TMEM39A: variants seen among roughly 807,000 people sequenced by gnomAD.
The protein encoded by TMEM39A is transmembrane protein 39A, also known as suppressor of SQST-1 aggregates in rpl-43 mutants.
Under a neutral mutation model 51.9 loss-of-function variants are expected in TMEM39A, and 19 were observed. The observed-to-expected ratio is 0.37, with a 90% CI of 0.26 to 0.54. The LOEUF (loss-of-function observed/expected upper bound fraction) is 0.54. Ranked by LOEUF, TMEM39A falls within the 20% of genes least tolerant of loss-of-function variation. The probability of loss-of-function intolerance (pLI) is 0.88; values close to 1 mark genes in which losing one functional copy is unlikely to be tolerated. For synonymous variants in TMEM39A, 197 were observed against 220.2 expected (o/e 0.89, Z 0.93); for missense variants, 433 against 590.5 (o/e 0.73, Z 2.76).
At chr3:119,461,819 A>AT in intron 2 of TMEM39A, 143 bp downstream of exon 2, 1 of 632,684 alleles carries the variant, frequency 1.6e-6, no homozygotes. Context: ...GGAATTCTGA[A>AT]TTTTGTCTTG....
At chr3:119,435,739 C>A (rs2080960580) in intron 7 of TMEM39A, 4 of 1,015,770 alleles carry the variant, frequency 3.9e-6, no homozygotes, top group South Asian at 7.4e-5. Context: ...GTTCCACCGG[C>A]CTTGCTCACA....
chr3:119,450,506 A>G (rs771488286), intron 4 of TMEM39A, among the ~76,000 whole-genome samples: 8 of 152,194 alleles, frequency 5.3e-5, no homozygotes, highest in Non-Finnish European at 1.2e-4. Flanking sequence ...AATTTAGCTT[A>G]AGTATTCTGT....
Position 119,458,176 on chromosome 3 carries a change from G to T in TMEM39A, c.178C>A (p.Arg60Ser). Residue 60 changes from arginine to serine, a missense_variant, in exon 3 of 9, where the codon CGT becomes AGT. Physicochemically the swap from Arg to Ser is moderately radical, Grantham distance 110 (BLOSUM62 -1). This residue lies in a region of TMEM39A where 170 missense variants were observed against 239.8 expected (regional missense o/e 0.71). Coordinates refer to ENST00000319172, the MANE Select transcript of TMEM39A (RefSeq NM_018266.3). ...ITALITPGPV[R>S]HCQIPDLPVD... Reference sequence around the variant, plus strand: ...GGCAAGTCAGGAATTTGGCAATGACGAACAGGACCTGGGGTGATTAAGGCT... The same window carrying T: ...GGCAAGTCAGGAATTTGGCAATGACTAACAGGACCTGGGGTGATTAAGGCT... 1 of 1,614,164 alleles carries T rather than the reference G, an allele frequency of 6.2e-7. No individual in the cohort carries two copies. Among genetic ancestry groups the T allele is most frequent in the Non-Finnish European group, 8.5e-7 (1 of 1,180,030 alleles).
intron 3 of TMEM39A, 29 bp from the exon 4 acceptor site, chr3:119,452,559 A>G (rs1381161686): frequency 1.9e-6 from 3 of 1,574,086 alleles, no homozygotes; most frequent in Admixed American, 3.4e-5. Flanking sequence ...ACTACATCAG[A>G]AAGAAATATG....
intron 5 of TMEM39A, among the ~76,000 whole-genome samples, chr3:119,442,381 T>C (rs1018353308): frequency 4.6e-5 from 7 of 151,682 alleles, no homozygotes; most frequent in Admixed American, 6.6e-5. Context: ...TCATTGACAG[T>C]GTACCTAGTC....
chr3:119,463,366 G>A lies in TMEM39A; in HGVS notation c.-105C>T, dbSNP rs948314473. ...GAAGAGTCCCAGCCGGTGGGGCGGG[G>A]TCCCTAGAAAGCGGCGACAACTTTA... is the stretch of plus-strand genomic sequence containing the variant. On this transcript the variant is annotated 5_prime_UTR_variant, in exon 1 of 9. Coordinates refer to ENST00000319172, the MANE Select transcript of TMEM39A (RefSeq NM_018266.3). 5 of 384,870 alleles carry A rather than the reference G, an allele frequency of 1.3e-5. No homozygotes were observed. Among genetic ancestry groups the A allele is most frequent in the Non-Finnish European group, 2.3e-5 (5 of 218,104 alleles). The allele number at this position is 384,870 out of a possible 1,614,324, so 23.8% of individuals were successfully genotyped here.
In TMEM39A at chr3:119,436,997, G is replaced by A. The variant is rs1221108781; in HGVS notation, c.925-19C>T. The A allele has an allele frequency of 1.9e-6, 3 of 1,600,496 alleles. No homozygotes were observed. The highest frequency in any genetic ancestry group is 2.7e-5 in the African/African-American group (2 of 74,666). ...GGGTACTCTGGAAGAGATCAGAAGA[G>A]AGAGAAATGATCCATGCACTGGTAA... On this transcript the variant is annotated intron_variant, in intron 6 of 8. Transcript: ENST00000319172.
At chr3:119,455,824 A>G (rs181154589) in intron 3 of TMEM39A, among the ~76,000 whole-genome samples, 97 of 152,338 alleles carry the variant, frequency 6.4e-4, no homozygotes, top group African/African-American at 2.2e-3. Context: ...GGAAATGTCA[A>G]CCCAAGTAGA....
intron 4 of TMEM39A, chr3:119,451,372 G>GT: frequency 1.0e-6 from 1 of 988,610 alleles, no homozygotes; most frequent in Non-Finnish European, 1.4e-6. Flanking sequence ...TGTGATTATA[G>GT]TAACTATTCA....
intron 5 of TMEM39A, 197 bp downstream of exon 5, chr3:119,446,821 G>A: frequency 1.6e-6 from 1 of 609,712 alleles, no homozygotes; most frequent in Non-Finnish European, 2.8e-6. Flanking sequence ...GGACAGTCCT[G>A]GTTTATGCCT....
chr3:119,437,080 C>T (rs930035131), intron 6 of TMEM39A, 102 bp from the exon 7 acceptor site: 38 of 1,025,896 alleles, frequency 3.7e-5, no homozygotes, highest in Admixed American at 9.1e-5. Flanking sequence ...CACACTGAGT[C>T]ACACATGCAC....
In TMEM39A at chr3:119,447,116, G is replaced by C. The variant is rs762850495; in HGVS notation, c.477C>G (p.Arg159=). Residue 159 remains arginine (R), a synonymous_variant, in exon 5 of 9, where the codon CGC becomes CGG. Coordinates refer to ENST00000319172, the MANE Select transcript of TMEM39A (RefSeq NM_018266.3). ...ATCCACACAAAGTGAGTAGTACCAA[G>C]CGAGCTGATATCAGAACCATGTAGT... ...MIHYMVLISA[R]LVLLTLCGWV... is the part of the protein sequence containing the mutation. The C allele has an allele frequency of 1.1e-5, 18 of 1,614,164 alleles. No homozygotes were observed. The highest frequency in any genetic ancestry group is 2.5e-6 in the Non-Finnish European group (3 of 1,180,024).
At chr3:119,460,189 T>G in intron 2 of TMEM39A, among the ~76,000 whole-genome samples, 1 of 151,334 alleles carries the variant, frequency 6.6e-6, no homozygotes, top group East Asian at 1.9e-4. Flanking sequence ...ACTCCCTCCC[T>G]CCCCCCAGTT....
At chr3:119,437,074 C>A (rs2080979705) in intron 6 of TMEM39A, 96 bp from the exon 7 acceptor site, 1 of 1,130,912 alleles carries the variant, frequency 8.8e-7, no homozygotes, top group East Asian at 2.4e-5. Context: ...AAATGCCACA[C>A]TGAGTCACAC....
intron 5 of TMEM39A, among the ~76,000 whole-genome samples, chr3:119,438,679 T>C (rs2081009087): frequency 1.3e-5 from 2 of 152,212 alleles, no homozygotes. Flanking sequence ...TCCACTACTA[T>C]AAATAACAAT....
rs1463869039 is a variant in TMEM39A at position 119,428,958 on chromosome 3, G to A, written c.*3023C>T. Among the ~76,000 whole-genome samples, 1 of 152,060 alleles carries A rather than the reference G, an allele frequency of 6.6e-6. No homozygotes were observed. ...CAAGACATCTGTCTGCTTATTTGAA[G>A]TACTTATGAAAAGAGCACTTTATTG... On this transcript the variant is annotated 3_prime_UTR_variant, in exon 9 of 9. Coordinates refer to ENST00000319172, the MANE Select transcript of TMEM39A (RefSeq NM_018266.3).
rs2081366397 is a variant in TMEM39A, at chr3:119,463,421, T to C, written c.-160A>G. 5.1e-6 allele frequency: 2 copies of C among 394,684 alleles called. No homozygotes were observed. Among genetic ancestry groups the C allele is most frequent in the Admixed American group, 4.4e-5 (1 of 22,602 alleles). 24.4% of individuals were successfully genotyped at this position (394,684 alleles called of 1,614,324 possible). On this transcript the variant is annotated 5_prime_UTR_variant, in exon 1 of 9. Coordinates refer to ENST00000319172, the MANE Select transcript of TMEM39A (RefSeq NM_018266.3). ...CTGGACCCCAGGTAAGGGAACTCCC[T>C]CCCAGCGTTGGAACGCTGCAAACCA...
In TMEM39A at chr3:119,437,955, A is replaced by C. The variant is rs1368931797; in HGVS notation, c.724T>G (p.Ser242Ala). ...TCTTTTAGCGACTCCAGCAACAAGG[A>C]GAGAAAGTCTTTGGATTTGGCCAAG... is the stretch of plus-strand genomic sequence containing the variant. ...GGLAKSKDFL[S>A]LLLESLKEQF... is the part of the protein sequence containing the mutation. The change falls in exon 6 of 9, where the codon TCC becomes GCC. Residue 242 changes from serine (S) to alanine (A), a missense_variant. This residue lies in a region of TMEM39A where 223 missense variants were observed against 328.1 expected (regional missense o/e 0.68). Transcript: ENST00000319172. 1 of 1,614,170 alleles carries C rather than the reference A, an allele frequency of 6.2e-7. No homozygotes were observed.
intron 7 of TMEM39A, chr3:119,435,176 AGT>A: frequency 2.0e-6 from 2 of 985,446 alleles, no homozygotes; most frequent in Non-Finnish European, 2.4e-6. Flanking sequence ...GCCAGAAAAC[AGT>A]GTGTAAGCAG....
Sources: gnomAD v4.1 joint callset for allele counts (sites outside exome capture counted in the v4.1 genomes callset) on GRCh38, gnomAD v4.1.1 for gene constraint, gnomAD v4.1.1 regional missense constraint, MANE v1.5 for transcripts, NCBI Gene and HGNC (gene_info 2026-07-23, HGNC 2026-07-21) for gene names.